The following BEAN1 variants were observed in gnomAD, a reference collection of about 807,000 sequenced individuals.
The protein encoded by BEAN1 is protein BEAN1.
In BEAN1, 17 loss-of-function variants were observed where a neutral mutation model predicts 17.7. The ratio of observed to expected loss-of-function variants is 0.96; its 90% CI spans 0.66 to 1.44. The LOEUF is 1.44. Among genes scored for constraint, BEAN1 ranks in the 40% most tolerant of loss-of-function variants. The pLI is 0.00. For synonymous variants in BEAN1, 142 were observed against 151.8 expected (o/e 0.94, Z 0.47); for missense variants, 359 against 374.1 (o/e 0.96, Z 0.33).
chr16:66,485,302 C>G (rs1259542522), downstream of BEAN1: 2 of 367,424 alleles, frequency 5.4e-6, no homozygotes, highest in Non-Finnish European at 1.1e-5. Context: ...CTTTGGTGCA[C>G]ACACACTAGT....
At chr16:66,470,798 G>A (rs1166866287) in intron 3 of BEAN1, among the ~76,000 whole-genome samples, 1 of 152,220 alleles carries the variant, frequency 6.6e-6, no homozygotes, top group African/African-American at 2.4e-5. Flanking sequence ...GCTGTCTAAG[G>A]CAGCAGGAAA....
intron 1 of BEAN1, among the ~76,000 whole-genome samples, chr16:66,437,079 G>A (rs536852341): frequency 6.6e-6 from 1 of 151,960 alleles, no homozygotes; most frequent in Admixed American, 6.5e-5. Flanking sequence ...GATGAAAAGA[G>A]CATCCTCCTC....
chr16:66,492,884 G>C (rs1011130979), intron 4 of BEAN1: 2 of 636,502 alleles, frequency 3.1e-6, no homozygotes, highest in Non-Finnish European at 5.7e-6. Flanking sequence ...CCAGCCCTTG[G>C]TCCTGCCTGG....
intron 4 of BEAN1, 104 bp downstream of exon 4, chr16:66,477,814 A>G (rs1346689456): frequency 7.7e-7 from 1 of 1,299,118 alleles, no homozygotes; most frequent in Non-Finnish European, 1.0e-6. Context: ...CATGTCGTAT[A>G]AATGCAGAAA....
intron 4 of BEAN1, among the ~76,000 whole-genome samples, chr16:66,491,791 C>T (rs917964086): frequency 2.6e-5 from 4 of 152,194 alleles, no homozygotes; most frequent in African/African-American, 9.7e-5. Context: ...GAATCTAATG[C>T]CACTGCTGAT....
At chr16:66,485,644 T>C (rs1468155878), downstream of BEAN1, 2 of 161,406 alleles carry the variant, frequency 1.2e-5, no homozygotes, top group South Asian at 1.7e-4. Flanking sequence ...CAGCCCAACA[T>C]GTCTCCAAGA....
chr16:66,480,700 C>G lies in BEAN1; in HGVS notation c.555C>G (p.Gly185=). The change falls in exon 5 of 5, where the codon GGC becomes GGG. Residue 185 remains glycine (G), a synonymous_variant. Coordinates refer to ENST00000536005, the MANE Select transcript of BEAN1 (RefSeq NM_001178020.3). ...CGCTGGATGGCACCTCCGACTCAGG[C>G]AGCGGCCACAGCCCTGGCCGACACC... is the stretch of plus-strand genomic sequence containing the variant. ...CPTLDGTSDS[G]SGHSPGRHQQ... 1 of 1,551,650 alleles carries G rather than the reference C, an allele frequency of 6.4e-7. No homozygotes were observed. The highest frequency in any genetic ancestry group is 8.7e-7 in the Non-Finnish European group (1 of 1,146,972).
At chr16:66,437,562 C>T (rs1226716132) in intron 1 of BEAN1, 33 bp from the exon 2 acceptor site, 26 of 1,278,582 alleles carry the variant, frequency 2.0e-5, no homozygotes, top group Non-Finnish European at 2.7e-5. Context: ...GCGCCATGGG[C>T]CCCCCAACAC....
intron 2 of BEAN1, among the ~76,000 whole-genome samples, chr16:66,448,856 A>G (rs2142396519): frequency 6.6e-6 from 1 of 152,186 alleles, no homozygotes. Flanking sequence ...AAAGAAACAC[A>G]TCCTTGGCCA....
intron 3 of BEAN1, among the ~76,000 whole-genome samples, chr16:66,470,545 T>C (rs1207012235): frequency 6.6e-6 from 1 of 151,816 alleles, no homozygotes; most frequent in Non-Finnish European, 1.5e-5. Flanking sequence ...TGGGGGTGAA[T>C]ATATGAATAA....
Position 66,429,145 on chromosome 16 carries a change from G to T in BEAN1, c.-83+1714G>T, listed in dbSNP as rs56821702. 9.8e-4 allele frequency among the ~76,000 whole-genome samples: 150 copies of T among 152,300 alleles called. 2 individuals are homozygous for T. In the East Asian group the frequency reaches 0.026, roughly 26 times the overall value. ...AGCCATCAGGCTGTCAGGTGGCTTGGACACACCGATGGTGACGGTTCAGAC... is the reference window on the plus strand; with the variant it reads ...AGCCATCAGGCTGTCAGGTGGCTTGTACACACCGATGGTGACGGTTCAGAC... On this transcript the variant is annotated intron_variant, in intron 1 of 4. Transcript: ENST00000536005.
At chr16:66,450,749 GAAAGA>G (rs1962642880) in intron 2 of BEAN1, among the ~76,000 whole-genome samples, 1 of 151,886 alleles carries the variant, frequency 6.6e-6, no homozygotes, top group African/African-American at 2.4e-5. Flanking sequence ...AAGAAAGAAA[GAAAGA>G]AAAGAAAAAG....
intron 1 of BEAN1, 53 bp from the exon 2 acceptor site, chr16:66,437,542 G>C: frequency 3.8e-6 from 4 of 1,059,804 alleles, no homozygotes; most frequent in Non-Finnish European, 5.4e-6. Context: ...AGCCTGCAGG[G>C]GCTGTGGGTG....
chr16:66,482,882 G>T (rs1964028859), downstream of BEAN1: 1 of 455,878 alleles, frequency 2.2e-6, no homozygotes. Flanking sequence ...CTTCAGACAG[G>T]GTCTCACTCA....
chr16:66,455,846 C>T (rs1962846007), intron 2 of BEAN1, among the ~76,000 whole-genome samples: 1 of 152,176 alleles, frequency 6.6e-6, no homozygotes, highest in Non-Finnish European at 1.5e-5. Context: ...GCCACCATGC[C>T]CAACTAATTT....
intron 4 of BEAN1, among the ~76,000 whole-genome samples, chr16:66,488,049 G>A (rs1021372965): frequency 6.6e-6 from 1 of 152,192 alleles, no homozygotes; most frequent in African/African-American, 2.4e-5. Context: ...GGTGATTTTA[G>A]GCACCATGCC....
chr16:66,464,996 A>G (rs904077673), intron 2 of BEAN1, among the ~76,000 whole-genome samples: 8 of 152,206 alleles, frequency 5.3e-5, no homozygotes, highest in Non-Finnish European at 1.0e-4. Context: ...AGAAGGTTTT[A>G]GTATTTCACC....
At chr16:66,443,821 C>A (rs1962345062) in intron 2 of BEAN1, among the ~76,000 whole-genome samples, 1 of 152,112 alleles carries the variant, frequency 6.6e-6, no homozygotes, top group Non-Finnish European at 1.5e-5. Flanking sequence ...ATTACAGGTG[C>A]CCATCACCAC....
At position 66,471,279 on chromosome 16, in the gene BEAN1, C is replaced by T. The variant is rs1015280425; in HGVS notation, c.289+1414C>T. Reference sequence around the variant, plus strand: ...TGAACAGGAGCCTGGGTAGTAATGGCCAGTGAGTAAGGAGTGCTTGCTGGG... The same window carrying T: ...TGAACAGGAGCCTGGGTAGTAATGGTCAGTGAGTAAGGAGTGCTTGCTGGG... On this transcript the variant is annotated intron_variant, in intron 3 of 4. Coordinates refer to ENST00000536005, the MANE Select transcript of BEAN1 (RefSeq NM_001178020.3). The surrounding 1 kb of genome is among the most constrained non-coding windows in gnomAD (Gnocchi z 4.7). Among the ~76,000 whole-genome samples, 2 of 152,154 alleles carry T rather than the reference C, an allele frequency of 1.3e-5. No homozygotes were observed. Among genetic ancestry groups the T allele is most frequent in the African/African-American group, 4.8e-5 (2 of 41,426 alleles).
Sources: allele counts gnomAD v4.1 joint callset (sites outside exome capture counted in the v4.1 genomes callset), GRCh38; gene constraint gnomAD v4.1.1; non-coding constraint Gnocchi (gnomAD v3.1); transcripts MANE v1.5; gene names NCBI Gene and HGNC (gene_info 2026-07-23, HGNC 2026-07-21).